CA1: variants seen among roughly 807,000 people sequenced by gnomAD.
CA1 encodes the protein carbonic anhydrase 1.
In CA1, 27 loss-of-function variants were observed where a neutral mutation model predicts 28.8. The observed-to-expected ratio is 0.94, with a 90% CI of 0.69 to 1.29. The LOEUF is 1.29. Ranked by LOEUF, CA1 falls within the 50% of genes most tolerant of loss-of-function variation. The probability of loss-of-function intolerance (pLI) is 0.00; values close to 1 mark genes in which losing one functional copy is unlikely to be tolerated. For missense variants in CA1, 335 were observed against 310.5 expected, an observed-to-expected ratio of 1.08 and a Z score of -0.59; for synonymous variants, 121 against 108.8, an observed-to-expected ratio of 1.11 and a Z score of -0.70.
intron 1 of CA1, among the ~76,000 whole-genome samples, chr8:85,352,666 AT>A (rs571013802): frequency 0.24 from 30,470 of 125,902 alleles, 3,160 homozygotes; most frequent in East Asian, 0.46. Flanking sequence ...CCTCAGCTCC[AT>A]TTTTTTTTTT....
intron 1 of CA1, among the ~76,000 whole-genome samples, chr8:85,364,391 A>C (rs1180261289): frequency 6.6e-6 from 1 of 152,226 alleles, no homozygotes; most frequent in African/African-American, 2.4e-5. Context: ...AGTTATATTT[A>C]TGTGTATACT....
rs1228950007 is a variant in CA1, at chr8:85,369,862, CTG to C, written c.-25+8182_-25+8183del. ...ATTACTTTTACTTATGATTAAGAAA[CTG>C]TTATAGTCCTGGACTTGTATGTAGA... On this transcript the variant is annotated intron_variant, in intron 1 of 7. Coordinates refer to ENST00000523022, the MANE Select transcript of CA1 (RefSeq NM_001128831.4). Among the ~76,000 whole-genome samples, 13 of 152,278 alleles carry C rather than the reference CTG, an allele frequency of 8.5e-5. No homozygotes were observed. In the South Asian group the frequency reaches 2.5e-3, roughly 29 times the overall value.
At chr8:85,335,389 A>G (rs1246018908) in intron 4 of CA1, among the ~76,000 whole-genome samples, 3 of 152,156 alleles carry the variant, frequency 2.0e-5, no homozygotes, top group Non-Finnish European at 2.9e-5. Flanking sequence ...GCTGTCAACA[A>G]TTATTAAGAT....
chr8:85,336,031 A>G (rs1018179154), intron 4 of CA1, among the ~76,000 whole-genome samples: 1 of 152,204 alleles, frequency 6.6e-6, no homozygotes, highest in African/African-American at 2.4e-5. Flanking sequence ...TTTTAATAAA[A>G]GCAAAAGAAA....
intron 1 of CA1, among the ~76,000 whole-genome samples, chr8:85,346,800 T>C (rs1256753138): frequency 1.3e-5 from 2 of 151,846 alleles, no homozygotes; most frequent in Middle Eastern, 3.4e-3. Context: ...TGCACAAATA[T>C]AAATGATCAA....
chr8:85,329,683 C>T lies in CA1; in HGVS notation c.669+6G>A. On this transcript the variant is annotated splice_donor_region_variant and intron_variant, in intron 7 of 7. Coordinates refer to ENST00000523022, the MANE Select transcript of CA1 (RefSeq NM_001128831.4). ...ATTCCCAGTTCCCATTCATTCACAA[C>T]TCTACCTGCTCTGAGCTGACACTGA... 6.2e-7 allele frequency: 1 copy of T among 1,609,170 alleles called. No individual in the cohort carries two copies. Among genetic ancestry groups the T allele is most frequent in the South Asian group, 1.1e-5 (1 of 90,426 alleles).
Position 85,341,655 on chromosome 8 carries a change from T to C in CA1, c.-20A>G. 6.4e-7 allele frequency: 1 copy of C among 1,569,770 alleles called. No individual in the cohort carries two copies. Among genetic ancestry groups the C allele is most frequent in the South Asian group, 1.1e-5 (1 of 90,170 alleles). On this transcript the variant is annotated 5_prime_UTR_variant, in exon 2 of 8. Coordinates refer to ENST00000523022, the MANE Select transcript of CA1 (RefSeq NM_001128831.4). ...TGCCATTATCTTCTACTGAGTTTTC[T>C]TTTTCTGAAAACAAAAATAATACCT...
Position 85,328,084 on chromosome 8 carries a change from A to G in CA1, c.*476T>C, listed in dbSNP as rs571798074. On this transcript the variant is annotated 3_prime_UTR_variant, in exon 8 of 8. Transcript: ENST00000523022. ...ATATTTTTGTCTTCAGGAGTAAGCA[A>G]ATGAATTTCCCAATATTTCATCTCC... 1.3e-5 allele frequency: 2 copies of G among 155,864 alleles called. No individual in the cohort carries two copies. Among genetic ancestry groups the G allele is most frequent in the Non-Finnish European group, 2.8e-5 (2 of 70,570 alleles). 9.7% of individuals were successfully genotyped at this position (155,864 alleles called of 1,614,324 possible).
intron 1 of CA1, among the ~76,000 whole-genome samples, chr8:85,344,237 TATATAATTA>T (rs1809063488): frequency 1.0e-5 from 1 of 99,414 alleles, no homozygotes; most frequent in Non-Finnish European, 1.8e-5. Flanking sequence ...CAGTATATAA[TATATAATTA>T]TATATTATAT....
chr8:85,344,213 AAT>A (rs1809053681), intron 1 of CA1, among the ~76,000 whole-genome samples: 8 of 109,808 alleles, frequency 7.3e-5, no homozygotes, highest in South Asian at 4.6e-4. Flanking sequence ...TATATAATAT[AAT>A]TATATTATAT....
At chr8:85,375,518 GAA>G (rs11297305) in intron 1 of CA1, among the ~76,000 whole-genome samples, 42 of 143,704 alleles carry the variant, frequency 2.9e-4, no homozygotes, top group Middle Eastern at 7.2e-3. Context: ...CTTTTCTTTT[GAA>G]AAAAAAAAAA....
chr8:85,334,670 T>C (rs1362677646), intron 4 of CA1, among the ~76,000 whole-genome samples: 3 of 150,990 alleles, frequency 2.0e-5, no homozygotes, highest in Admixed American at 6.6e-5. Context: ...CTCTGAAATT[T>C]TTATTTTCCC....
intron 6 of CA1, among the ~76,000 whole-genome samples, chr8:85,330,296 G>T (rs1398068330): frequency 3.9e-5 from 6 of 151,936 alleles, no homozygotes; most frequent in African/African-American, 1.4e-4. Context: ...ATTGTTACTG[G>T]TGTGTAGGAA....
At chr8:85,346,299 A>G (rs1412971606) in intron 1 of CA1, among the ~76,000 whole-genome samples, 1 of 152,178 alleles carries the variant, frequency 6.6e-6, no homozygotes, top group Non-Finnish European at 1.5e-5. Context: ...TAACTTGGGC[A>G]AGTTAATAGT....
chr8:85,369,654 T>A (rs1480401477), intron 1 of CA1, among the ~76,000 whole-genome samples: 1 of 152,108 alleles, frequency 6.6e-6, no homozygotes, highest in Non-Finnish European at 1.5e-5. Context: ...CATCTTTGGT[T>A]GATGCAAAAG....
chr8:85,358,505 A>C (rs1356304534), intron 1 of CA1, among the ~76,000 whole-genome samples: 1 of 152,142 alleles, frequency 6.6e-6, no homozygotes, highest in Non-Finnish European at 1.5e-5. Flanking sequence ...AGGGTGCCTA[A>C]ATATTTGTTG....
At chr8:85,366,795 T>C (rs1810024011) in intron 1 of CA1, among the ~76,000 whole-genome samples, 1 of 152,206 alleles carries the variant, frequency 6.6e-6, no homozygotes, top group Non-Finnish European at 1.5e-5. Flanking sequence ...TGAAGAGCAA[T>C]GGCATAATAT....
At chr8:85,366,786 G>A (rs1195908903) in intron 1 of CA1, among the ~76,000 whole-genome samples, 1 of 152,188 alleles carries the variant, frequency 6.6e-6, no homozygotes, top group Non-Finnish European at 1.5e-5. Flanking sequence ...AAAGTGAATT[G>A]AAGAGCAATG....
intron 1 of CA1, among the ~76,000 whole-genome samples, chr8:85,344,259 AGTATATAATATATAAT>A (rs1564029634): frequency 1.2e-5 from 1 of 85,578 alleles, no homozygotes; most frequent in East Asian, 2.8e-4. Context: ...TATTATATAC[AGTATATAATATATAAT>A]TATATATTAT....
Sources: allele counts gnomAD v4.1 joint callset (sites outside exome capture counted in the v4.1 genomes callset), GRCh38; gene constraint gnomAD v4.1.1; transcripts MANE v1.5; gene names NCBI Gene and HGNC (gene_info 2026-07-23, HGNC 2026-07-21).